C10orf90: variants seen among roughly 807,000 people sequenced by gnomAD.
C10orf90 encodes the protein (E2-independent) E3 ubiquitin-conjugating enzyme FATS.
Under a neutral mutation model 62.5 loss-of-function variants are expected in C10orf90, and 56 were observed. The ratio of observed to expected loss-of-function variants is 0.90; its 90% confidence interval spans 0.72 to 1.12. The LOEUF is 1.12. Among genes scored for constraint, C10orf90 ranks in the 50% most tolerant of loss-of-function variants. The pLI is 0.00. For synonymous variants in C10orf90, 386 were observed against 340.4 expected, an observed-to-expected ratio of 1.13 and a Z score of -1.47; for missense variants, 970 against 880.4, an observed-to-expected ratio of 1.10 and a Z score of -1.29.
At chr10:126,507,153 T>C (rs1339999211) in intron 3 of C10orf90, among the ~76,000 whole-genome samples, 3 of 151,936 alleles carry the variant, frequency 2.0e-5, no homozygotes, top group Non-Finnish European at 4.4e-5. Flanking sequence ...GTCAGGAGAT[T>C]AAGACAATCC....
At chr10:126,489,622 G>A (rs985876639) in intron 4 of C10orf90, among the ~76,000 whole-genome samples, 3 of 152,076 alleles carry the variant, frequency 2.0e-5, no homozygotes, top group African/African-American at 7.2e-5. Context: ...TGCATTGCTG[G>A]TGGGGATGCC....
intron 2 of C10orf90, among the ~76,000 whole-genome samples, chr10:126,565,553 T>G (rs1034630310): frequency 6.7e-6 from 1 of 149,358 alleles, no homozygotes; most frequent in African/African-American, 2.5e-5. Context: ...CCCTTCATTA[T>G]TAGCATCTGG....
At chr10:126,537,369 C>T (rs1377696636) in intron 2 of C10orf90, among the ~76,000 whole-genome samples, 1 of 152,070 alleles carries the variant, frequency 6.6e-6, no homozygotes, top group Non-Finnish European at 1.5e-5. Context: ...TATGGCCTTC[C>T]TAGAAAATGA....
At chr10:126,631,342 C>T (rs754662720) in intron 2 of C10orf90, among the ~76,000 whole-genome samples, 1 of 152,098 alleles carries the variant, frequency 6.6e-6, no homozygotes, top group African/African-American at 2.4e-5. Context: ...TTGAACACAC[C>T]AGTCCCGTTC....
At chr10:126,447,337 A>T (rs1858851914) in intron 7 of C10orf90, among the ~76,000 whole-genome samples, 1 of 152,172 alleles carries the variant, frequency 6.6e-6, no homozygotes, top group African/African-American at 2.4e-5. Flanking sequence ...GTGAAGGGAT[A>T]GAAAGGATAT....
chr10:126,584,154 ACT>A (rs146588191), intron 2 of C10orf90, among the ~76,000 whole-genome samples: 17,739 of 151,416 alleles, frequency 0.12, 1,050 homozygotes, highest in Admixed American at 0.13. Flanking sequence ...TGAAGGGGAA[ACT>A]CTCAGCAGCA....
At chr10:126,526,089 G>A (rs1455512582) in intron 2 of C10orf90, among the ~76,000 whole-genome samples, 1 of 150,254 alleles carries the variant, frequency 6.7e-6, no homozygotes, top group Non-Finnish European at 1.5e-5. Flanking sequence ...AGAGGGGCAG[G>A]GCTCTCCAGA....
At chr10:126,502,640 C>T in intron 4 of C10orf90, 1 of 310,590 alleles carries the variant, frequency 3.2e-6, no homozygotes, top group South Asian at 2.9e-5. Flanking sequence ...ATTATTATTT[C>T]ACACCATGAC....
At chr10:126,613,479 C>T (rs1393481288) in intron 2 of C10orf90, among the ~76,000 whole-genome samples, 2 of 152,196 alleles carry the variant, frequency 1.3e-5, no homozygotes, top group African/African-American at 4.8e-5. Flanking sequence ...CTCCTGGCCT[C>T]AAGCAATCCT....
chr10:126,629,560 G>C (rs1396601912), intron 2 of C10orf90, among the ~76,000 whole-genome samples: 1 of 152,284 alleles, frequency 6.6e-6, no homozygotes, highest in Non-Finnish European at 1.5e-5. Context: ...ACATCTGAAG[G>C]GATCTATTCT....
rs1248235265 is a variant in C10orf90, at chr10:126,670,299, C to A, written c.182G>T (p.Cys61Phe). 4.4e-6 allele frequency: 2 copies of A among 456,578 alleles called. No individual in the cohort carries two copies. The highest frequency in any genetic ancestry group is 8.8e-6 in the Non-Finnish European group (2 of 226,974). 28.3% of individuals were successfully genotyped at this position (456,578 alleles called of 1,614,324 possible). A position where few individuals can be genotyped will look rare whatever the true frequency, so the allele number is the denominator to read the frequency against. Residue 61 changes from cysteine (C) to phenylalanine (F), a missense_variant, in exon 1 of 10, where the codon TGT becomes TTT. By Grantham distance (205) the Cys-to-Phe change is radical. Transcript: ENST00000488181. ...WFPSQRRAKV[C>F]IIHMCQGLKT... ...CAAGCCTTGACACATATGGATGATA[C>A]AAACTTTGGCTCTTCTCTGGGAGGG...
chr10:126,624,007 G>A (rs1374124412), intron 2 of C10orf90, among the ~76,000 whole-genome samples: 1 of 152,132 alleles, frequency 6.6e-6, no homozygotes, highest in Admixed American at 6.5e-5. Context: ...CCCTGGTAAT[G>A]CAAAGAGATG....
At chr10:126,585,224 G>A (rs1458938653) in intron 2 of C10orf90, among the ~76,000 whole-genome samples, 1 of 150,904 alleles carries the variant, frequency 6.6e-6, no homozygotes, top group Admixed American at 6.6e-5. Flanking sequence ...GAAAAAAATG[G>A]AAGGAAGTTA....
At chr10:126,663,385 G>A (rs77110994) in intron 1 of C10orf90, among the ~76,000 whole-genome samples, 3,531 of 152,230 alleles carry the variant, frequency 0.023, 119 homozygotes, top group African/African-American at 0.079. Context: ...AGAAGAAGAC[G>A]TAACATAGAT....
chr10:126,508,849 A>G (rs1378635909), intron 3 of C10orf90, among the ~76,000 whole-genome samples: 1 of 152,208 alleles, frequency 6.6e-6, no homozygotes, highest in Non-Finnish European at 1.5e-5. Context: ...TTAGGACACC[A>G]TGACACCCAT....
intron 1 of C10orf90, among the ~76,000 whole-genome samples, chr10:126,662,619 A>C (rs1299112615): frequency 6.6e-6 from 1 of 152,040 alleles, no homozygotes; most frequent in Non-Finnish European, 1.5e-5. Context: ...CTTCTGCCTA[A>C]AATGTCCTCC....
At position 126,465,009 on chromosome 10, in the gene C10orf90, G is replaced by A. The variant is rs1463397052; in HGVS notation, c.1535-23C>T. The A allele has an allele frequency of 1.9e-6, 3 of 1,589,276 alleles. No individual in the cohort carries two copies. The Admixed American group carries it at 5.1e-5, about 27-fold the overall frequency. Reference sequence around the variant, plus strand: ...GTACTAAAAATAAAACGAGAGTTGTGCTCAAAATCTCTTATGAATCCAATC... The same window carrying A: ...GTACTAAAAATAAAACGAGAGTTGTACTCAAAATCTCTTATGAATCCAATC... On this transcript the variant is annotated intron_variant, in intron 4 of 9. Transcript: ENST00000488181.
At chr10:126,566,480 G>A (rs1034039006) in intron 2 of C10orf90, among the ~76,000 whole-genome samples, 3 of 152,192 alleles carry the variant, frequency 2.0e-5, no homozygotes, top group Non-Finnish European at 2.9e-5. Context: ...CACAAGGGCT[G>A]CAATGAGGGA....
At chr10:126,560,409 G>A (rs1291968343) in intron 2 of C10orf90, among the ~76,000 whole-genome samples, 4 of 152,250 alleles carry the variant, frequency 2.6e-5, no homozygotes, top group Middle Eastern at 3.4e-3. Context: ...CTGCCGACGC[G>A]CACGGTGCAT....
Sources: gnomAD v4.1 joint callset for allele counts (sites outside exome capture counted in the v4.1 genomes callset) on GRCh38, gnomAD v4.1.1 for gene constraint, MANE v1.5 for transcripts, NCBI Gene and HGNC (gene_info 2026-07-23, HGNC 2026-07-21) for gene names.